DESI2: variants seen among roughly 807,000 people sequenced by gnomAD.
The protein encoded by DESI2 is deubiquitinase DESI2.
Under a neutral mutation model 24.1 loss-of-function variants are expected in DESI2, and 10 were observed. The ratio of observed to expected loss-of-function variants is 0.41; its 90% CI spans 0.26 to 0.70. DESI2 has a LOEUF of 0.70. Ranked by LOEUF, DESI2 falls within the 30% of genes least tolerant of loss-of-function variation. The probability of loss-of-function intolerance (pLI) is 0.29; values close to 1 mark genes in which losing one functional copy is unlikely to be tolerated. For missense variants in DESI2, 122 were observed against 234.9 expected (o/e 0.52, Z 3.14); for synonymous variants, 71 against 87.7 (o/e 0.81, Z 1.06).
chr1:244,698,316 C>G (rs1418318099), intron 4 of DESI2, among the ~76,000 whole-genome samples: 1 of 152,114 alleles, frequency 6.6e-6, no homozygotes, highest in Admixed American at 6.5e-5. Flanking sequence ...ATGATTTTTG[C>G]CCATTGGAGC....
chr1:244,677,434 C>G (rs1375860598), intron 1 of DESI2, among the ~76,000 whole-genome samples: 2 of 152,130 alleles, frequency 1.3e-5, no homozygotes, highest in African/African-American at 2.4e-5. Context: ...GCTACTTTAA[C>G]TTTACAAAGA....
chr1:244,653,934 T>G, intron 1 of DESI2: 1 of 471,236 alleles, frequency 2.1e-6, no homozygotes, highest in Non-Finnish European at 4.4e-6. Context: ...AAAATATGAA[T>G]GAGGCTAACA....
At chr1:244,680,036 T>TTTTTTA (rs1553403558) in intron 1 of DESI2, among the ~76,000 whole-genome samples, 3 of 142,422 alleles carry the variant, frequency 2.1e-5, no homozygotes, top group Admixed American at 7.1e-5. Context: ...TTTTTTTTTT[T>TTTTTTA]AAACAAAAAA....
intron 1 of DESI2, among the ~76,000 whole-genome samples, chr1:244,660,955 C>T (rs1675819732): frequency 6.6e-6 from 1 of 152,148 alleles, no homozygotes; most frequent in African/African-American, 2.4e-5. Context: ...TATTGGCCTT[C>T]ATTTCCTTTT....
chr1:244,673,234 A>G (rs1471166642), intron 1 of DESI2, among the ~76,000 whole-genome samples: 2 of 152,228 alleles, frequency 1.3e-5, no homozygotes, highest in East Asian at 3.9e-4. Flanking sequence ...AAGCCCTAAC[A>G]GGAGCAGAAG....
chr1:244,696,313 A>G (rs1243547505), intron 4 of DESI2, among the ~76,000 whole-genome samples: 1 of 152,204 alleles, frequency 6.6e-6, no homozygotes, highest in Non-Finnish European at 1.5e-5. Flanking sequence ...TCACCCTGAG[A>G]TACATTCCCC....
chr1:244,694,350 T>G (rs569872663), intron 4 of DESI2: 1 of 567,226 alleles, frequency 1.8e-6, no homozygotes, highest in Non-Finnish European at 3.4e-6. Context: ...GTATAAATTA[T>G]GTAAAGTTCA....
chr1:244,664,816 T>G (rs530779521), intron 1 of DESI2, among the ~76,000 whole-genome samples: 15 of 152,400 alleles, frequency 9.8e-5, no homozygotes, highest in Non-Finnish European at 2.1e-4. Flanking sequence ...AGAAATTTTG[T>G]TCTATGTGGT....
At chr1:244,669,678 CAAAAA>C (rs35064839) in intron 1 of DESI2, among the ~76,000 whole-genome samples, 1 of 151,256 alleles carries the variant, frequency 6.6e-6, no homozygotes, top group Non-Finnish European at 1.5e-5. Flanking sequence ...AACTCCATCT[CAAAAA>C]AAGAAAAAAA....
chr1:244,658,120 A>G (rs1032961766), intron 1 of DESI2, among the ~76,000 whole-genome samples: 1 of 152,206 alleles, frequency 6.6e-6, no homozygotes, highest in African/African-American at 2.4e-5. Context: ...CTCTATTCAT[A>G]TAATAGCCTC....
At chr1:244,702,156 T>A (rs1677489420) in intron 4 of DESI2, among the ~76,000 whole-genome samples, 1 of 152,222 alleles carries the variant, frequency 6.6e-6, no homozygotes, top group African/African-American at 2.4e-5. Flanking sequence ...CAATCTGTTT[T>A]GTTTTAAAAA....
At chr1:244,701,912 G>A (rs547830884) in intron 4 of DESI2, among the ~76,000 whole-genome samples, 2 of 152,286 alleles carry the variant, frequency 1.3e-5, no homozygotes, top group East Asian at 1.9e-4. Context: ...TACAAAAAGT[G>A]TTGTAATGAA....
chr1:244,662,109 T>A (rs1675867889), intron 1 of DESI2, among the ~76,000 whole-genome samples: 1 of 152,244 alleles, frequency 6.6e-6, no homozygotes, highest in South Asian at 2.1e-4. Flanking sequence ...TTCTAACTGG[T>A]GTGAGAAGGT....
chr1:244,657,217 A>C (rs1340532611), intron 1 of DESI2, among the ~76,000 whole-genome samples: 1 of 152,238 alleles, frequency 6.6e-6, no homozygotes. Context: ...AGACTCCTCC[A>C]ACAGGGTGTC....
At chr1:244,666,147 C>G (rs1676036744) in intron 1 of DESI2, among the ~76,000 whole-genome samples, 1 of 152,146 alleles carries the variant, frequency 6.6e-6, no homozygotes. Flanking sequence ...ATTCCCTACT[C>G]TCAGCTTATT....
At chr1:244,668,417 T>TGG (rs1268319339) in intron 1 of DESI2, among the ~76,000 whole-genome samples, 1 of 152,208 alleles carries the variant, frequency 6.6e-6, no homozygotes, top group Non-Finnish European at 1.5e-5. Context: ...ACAACTGATA[T>TGG]GGGGCTTTTT....
At chr1:244,699,205 A>C (rs1213649012) in intron 4 of DESI2, among the ~76,000 whole-genome samples, 2 of 152,202 alleles carry the variant, frequency 1.3e-5, no homozygotes, top group African/African-American at 2.4e-5. Context: ...GTGGCTCTCT[A>C]AAACCATTTT....
At chr1:244,662,044 A>T (rs371553720) in intron 1 of DESI2, among the ~76,000 whole-genome samples, 1 of 152,070 alleles carries the variant, frequency 6.6e-6, no homozygotes, top group Non-Finnish European at 1.5e-5. Context: ...AAGTGTTCCT[A>T]TTTCTCCACA....
At chr1:244,660,543 C>G (rs1359313698) in intron 1 of DESI2, among the ~76,000 whole-genome samples, 1 of 152,004 alleles carries the variant, frequency 6.6e-6, no homozygotes, top group African/African-American at 2.4e-5. Flanking sequence ...ATTTGAATTC[C>G]AAAGCAACAT....
Sources: gnomAD v4.1 joint callset for allele counts (sites outside exome capture counted in the v4.1 genomes callset) on GRCh38, gnomAD v4.1.1 for gene constraint, MANE v1.5 for transcripts, NCBI Gene and HGNC (gene_info 2026-07-23, HGNC 2026-07-21) for gene names.